JDP2: variants seen among roughly 807,000 people sequenced by gnomAD.
The protein encoded by JDP2 is progesterone receptor co-activator.
Under a neutral mutation model 17.1 loss-of-function variants are expected in JDP2, and 9 were observed. The observed-to-expected ratio is 0.53, with a 90% CI of 0.32 to 0.92. JDP2 has a LOEUF of 0.92. JDP2 is among the 40% of genes least tolerant of loss of function. JDP2 has a pLI of 0.04. For missense variants in JDP2, 179 were observed against 220.0 expected, an observed-to-expected ratio of 0.81 and a Z score of 1.18; for synonymous variants, 107 against 95.6, an observed-to-expected ratio of 1.12 and a Z score of -0.69.
rs567814595 is a variant in JDP2 at position 75,439,392 on chromosome 14, T to TA, written c.201+1277dup. ...CCCCATTTCATTTGAAAATTTTGAT[T>TA]AAAAAATTGTAAGATCTCATCATAC... On this transcript the variant is annotated intron_variant, in intron 2 of 3. Coordinates refer to ENST00000651602, the MANE Select transcript of JDP2 (RefSeq NM_001135048.2). 1.7e-3 allele frequency among the ~76,000 whole-genome samples: 259 copies of TA among 152,290 alleles called. 2 individuals carry two copies. Among genetic ancestry groups the TA allele is most frequent in the African/African-American group, 5.6e-3 (232 of 41,556 alleles).
At position 75,437,977 on chromosome 14, in the gene JDP2, T is replaced by C; in HGVS notation, c.57T>C (p.Leu19=). ...PSVTTGSLPG[L]GPLTGLPSSA... ...TGACCACAGGCTCCCTGCCAGGGCT[T>C]GGCCCCCTGACCGGGCTCCCCAGCT... The change falls in exon 2 of 4, where the codon CTT becomes CTC. Residue 19 remains leucine, a synonymous_variant. Transcript: ENST00000651602. The C allele has an allele frequency of 6.2e-7, 1 of 1,613,594 alleles. No homozygotes were observed. Among genetic ancestry groups the C allele is most frequent in the Non-Finnish European group, 8.5e-7 (1 of 1,179,810 alleles).
intron 2 of JDP2, among the ~76,000 whole-genome samples, chr14:75,449,091 C>T (rs175642): frequency 0.73 from 110,562 of 152,100 alleles, 40,671 homozygotes; most frequent in East Asian, 0.83. Flanking sequence ...TTGCCTTTGC[C>T]GGGAGATTTG....
At chr14:75,453,576 C>T (rs938924172) in intron 2 of JDP2, among the ~76,000 whole-genome samples, 6 of 152,236 alleles carry the variant, frequency 3.9e-5, no homozygotes, top group South Asian at 2.1e-4. Context: ...CCTGTGCTCC[C>T]GGCTCTGGGC....
intron 3 of JDP2, among the ~76,000 whole-genome samples, chr14:75,463,351 C>T (rs1566748160): frequency 6.6e-6 from 1 of 152,254 alleles, no homozygotes; most frequent in Non-Finnish European, 1.5e-5. Context: ...CAAGGTCACA[C>T]TGCTAGCGAG....
intron 2 of JDP2, among the ~76,000 whole-genome samples, chr14:75,454,649 T>C (rs1886019760): frequency 6.6e-6 from 1 of 152,078 alleles, no homozygotes; most frequent in African/African-American, 2.4e-5. Flanking sequence ...GTGCTGTTAG[T>C]GAATGCACCT....
At chr14:75,455,272 C>T (rs1007532034) in intron 2 of JDP2, among the ~76,000 whole-genome samples, 12 of 152,172 alleles carry the variant, frequency 7.9e-5, no homozygotes, top group African/African-American at 2.9e-4. Flanking sequence ...GTGCCTGACT[C>T]CTGGCAAACG....
At chr14:75,468,040 G>A (rs1886644686) in intron 3 of JDP2, among the ~76,000 whole-genome samples, 1 of 152,126 alleles carries the variant, frequency 6.6e-6, no homozygotes, top group African/African-American at 2.4e-5. Flanking sequence ...GCCCACTGAG[G>A]GTTCTGGGGA....
rs941931931 is a variant in JDP2, at chr14:75,471,373, G to C, written c.*1898G>C. On this transcript the variant is annotated 3_prime_UTR_variant, in exon 4 of 4. Transcript: ENST00000651602. ...CTCGGCAGTTCTCAAGGCATGTCAC[G>C]CATGAGGAAGGCGGGAGAGGTGTTT... The C allele has an allele frequency of 6.6e-6, 1 of 152,288 alleles. No homozygotes were observed. Among genetic ancestry groups the C allele is most frequent in the Admixed American group, 6.5e-5 (1 of 15,288 alleles). The allele number at this position is 152,288 out of a possible 1,614,324, so 9.4% of individuals were successfully genotyped here. A position where few individuals can be genotyped will look rare whatever the true frequency, so the allele number is the denominator to read the frequency against.
chr14:75,454,204 T>C (rs1023127932), intron 2 of JDP2, among the ~76,000 whole-genome samples: 2 of 152,236 alleles, frequency 1.3e-5, no homozygotes, highest in African/African-American at 4.8e-5. Flanking sequence ...GCTTGAATGT[T>C]ACACCTTCAT....
intron 3 of JDP2, among the ~76,000 whole-genome samples, chr14:75,466,160 G>T (rs1343897508): frequency 2.0e-5 from 3 of 152,216 alleles, no homozygotes; most frequent in Non-Finnish European, 4.4e-5. Context: ...TTACATTCTG[G>T]CTGGGCGCGG....
chr14:75,446,233 A>G (rs1297716820), intron 2 of JDP2, among the ~76,000 whole-genome samples: 1 of 152,220 alleles, frequency 6.6e-6, no homozygotes, highest in East Asian at 1.9e-4. Flanking sequence ...CCACTTTGGA[A>G]AACAGTCTGG....
At chr14:75,440,265 C>T (rs1885279011) in intron 2 of JDP2, among the ~76,000 whole-genome samples, 1 of 152,206 alleles carries the variant, frequency 6.6e-6, no homozygotes, top group Admixed American at 6.5e-5. Flanking sequence ...GCAGATGGAG[C>T]TGCGAGATTG....
chr14:75,438,242 A>G, intron 2 of JDP2, 121 bp downstream of exon 2: 3 of 726,276 alleles, frequency 4.1e-6, no homozygotes, highest in South Asian at 4.6e-5. Context: ...CCCTGGGGTT[A>G]TCAGAAATGT....
intron 2 of JDP2, among the ~76,000 whole-genome samples, chr14:75,459,288 G>A (rs888335861): frequency 6.6e-6 from 1 of 152,230 alleles, no homozygotes. Flanking sequence ...TTAAGGTTGG[G>A]CGGAATCAAT....
intron 1 of JDP2, among the ~76,000 whole-genome samples, chr14:75,435,952 G>A (rs1403082919): frequency 6.6e-6 from 1 of 152,218 alleles, no homozygotes; most frequent in Non-Finnish European, 1.5e-5. Flanking sequence ...GCATGCTGAG[G>A]ATGAAATGGC....
In JDP2 at chr14:75,432,266, G is replaced by A. The variant is rs1308217685; in HGVS notation, c.-24+4014G>A. ...TACGTCATTCAGATTCCAAGAGAGA[G>A]GTCATCCTGGGTGATTCCTTAGCTC... On this transcript the variant is annotated intron_variant, in intron 1 of 3. Coordinates refer to ENST00000651602, the MANE Select transcript of JDP2 (RefSeq NM_001135048.2). 5.9e-6 allele frequency: 9 copies of A among 1,522,904 alleles called. No homozygotes were observed. In the African/African-American group the frequency reaches 1.2e-4, roughly 21 times the overall value. 94.3% of individuals were successfully genotyped at this position (1,522,904 alleles called of 1,614,324 possible).
At chr14:75,455,799 C>A (rs918686484) in intron 2 of JDP2, among the ~76,000 whole-genome samples, 1 of 152,126 alleles carries the variant, frequency 6.6e-6, no homozygotes, top group Admixed American at 6.5e-5. Flanking sequence ...CTGTCCACCC[C>A]CTGTAAGTAG....
chr14:75,463,589 A>G (rs1407901541), intron 3 of JDP2, among the ~76,000 whole-genome samples: 1 of 152,216 alleles, frequency 6.6e-6, no homozygotes, highest in Non-Finnish European at 1.5e-5. Flanking sequence ...GGCTGCTTCA[A>G]TTCAGACATA....
At chr14:75,429,182 G>T (rs1884674292) in intron 1 of JDP2, among the ~76,000 whole-genome samples, 2 of 152,290 alleles carry the variant, frequency 1.3e-5, no homozygotes, top group Admixed American at 6.5e-5. Context: ...TGCAGGGATG[G>T]AGAGGCTGGT....
Sources: allele counts gnomAD v4.1 joint callset (sites outside exome capture counted in the v4.1 genomes callset), GRCh38; gene constraint gnomAD v4.1.1; transcripts MANE v1.5; gene names NCBI Gene and HGNC (gene_info 2026-07-23, HGNC 2026-07-21).